Variants in AANAT observed in about 807,000 individuals in gnomAD.
AANAT encodes the protein serotonin N-acetyltransferase.
AANAT carries 11 observed loss-of-function variants against 15.6 expected under a neutral mutation model. The ratio of observed to expected loss-of-function variants is 0.71; its 90% CI spans 0.44 to 1.17. The LOEUF (loss-of-function observed/expected upper bound fraction) is 1.17. Among genes scored for constraint, AANAT ranks in the 50% most tolerant of loss-of-function variants. The probability of loss-of-function intolerance (pLI) is 0.00; values close to 1 mark genes in which losing one functional copy is unlikely to be tolerated. For synonymous variants in AANAT, 139 were observed against 131.5 expected, an observed-to-expected ratio of 1.06 and a Z score of -0.39; for missense variants, 286 against 296.3, an observed-to-expected ratio of 0.97 and a Z score of 0.26.
intron 1 of AANAT, among the ~76,000 whole-genome samples, chr17:76,455,425 TG>T: frequency 6.6e-6 from 1 of 152,330 alleles, no homozygotes; most frequent in South Asian, 2.1e-4. Context: ...CACTCCAGCT[TG>T]GGTGACAGAG....
Position 76,469,917 on chromosome 17 carries a change from C to T in AANAT, c.571C>T (p.Leu191Phe). 6.4e-7 allele frequency: 1 copy of T among 1,561,120 alleles called. No homozygotes were observed. The highest frequency in any genetic ancestry group is 8.7e-7 in the Non-Finnish European group (1 of 1,153,864). ...CGTGGGCTCCCTCACCTTCATGGAG[C>T]TCCACTGCTCCCTGCGGGGCCACCC... ...ITVGSLTFME[L>F]HCSLRGHPFL... The change falls in exon 4 of 4, where the codon CTC becomes TTC. Residue 191 changes from leucine (L) to phenylalanine (F), a missense_variant. By Grantham distance (22) the Leu-to-Phe change is conservative. Coordinates refer to ENST00000392492, the MANE Select transcript of AANAT (RefSeq NM_001088.3). This position sits in a 1 kb window ranked among gnomAD's most constrained non-coding sequence, Gnocchi z 5.2.
At chr17:76,466,494 G>A (rs371655993), upstream of AANAT, among the ~76,000 whole-genome samples, 2 of 151,642 alleles carry the variant, frequency 1.3e-5, no homozygotes, top group African/African-American at 4.8e-5. Flanking sequence ...CTTCCTCTGC[G>A]GGGGGGTCGA....
chr17:76,466,618 C>T (rs2073440485), upstream of AANAT, among the ~76,000 whole-genome samples: 1 of 152,186 alleles, frequency 6.6e-6, no homozygotes, highest in Non-Finnish European at 1.5e-5. Context: ...CAGTGCATGT[C>T]AGGAGGCTGA....
upstream of AANAT, among the ~76,000 whole-genome samples, chr17:76,465,520 G>A (rs1180067355): frequency 6.6e-6 from 1 of 151,740 alleles, no homozygotes; most frequent in Non-Finnish European, 1.5e-5. Context: ...ATTTTTTGTA[G>A]AGACAGGGGT....
At chr17:76,463,132 G>A (rs2073405403), upstream of AANAT, among the ~76,000 whole-genome samples, 1 of 152,188 alleles carries the variant, frequency 6.6e-6, no homozygotes, top group African/African-American at 2.4e-5. Flanking sequence ...AGCTGCAGCA[G>A]GCTCGGTGCC....
At chr17:76,463,520 C>A (rs34546420), upstream of AANAT, among the ~76,000 whole-genome samples, 15,191 of 151,954 alleles carry the variant, frequency 0.1, 876 homozygotes, top group Non-Finnish European at 0.13. Flanking sequence ...GTTAGCCAGA[C>A]TGCTATTGAA....
At chr17:76,466,238 G>A, upstream of AANAT, 1 of 1,533,094 alleles carries the variant, frequency 6.5e-7, no homozygotes, top group South Asian at 1.2e-5. Flanking sequence ...TGAAGGTGGG[G>A]ATGCCCAGCT....
At position 76,469,291 on chromosome 17, in the gene AANAT, C is replaced by G. The variant is rs761343877; in HGVS notation, c.282C>G (p.Ile94Met). ...WFEEGCLVAF[I>M]IGSLWDKERL... ...AGGAGGGCTGCCTTGTGGCCTTCAT[C>G]ATCGGCTCGCTCTGGGACAAGGAGA... The change falls in exon 3 of 4, where the codon ATC becomes ATG. Residue 94 changes from isoleucine to methionine, a missense_variant. Coordinates refer to ENST00000392492, the MANE Select transcript of AANAT (RefSeq NM_001088.3). This position sits in a 1 kb window ranked among gnomAD's most constrained non-coding sequence, Gnocchi z 5.2. 6.2e-7 allele frequency: 1 copy of G among 1,614,136 alleles called. No individual in the cohort carries two copies. Among genetic ancestry groups the G allele is most frequent in the South Asian group, 1.1e-5 (1 of 91,092 alleles).
At position 76,469,343 on chromosome 17, in the gene AANAT, C is replaced by T. The variant is rs199774032; in HGVS notation, c.318+16C>T. On this transcript the variant is annotated intron_variant, in intron 3 of 3. Coordinates refer to ENST00000392492, the MANE Select transcript of AANAT (RefSeq NM_001088.3). The surrounding 1 kb of genome is among the most constrained non-coding windows in gnomAD (Gnocchi z 5.2). ...ACTCATGCAGGTGAGGACAGGGCTG[C>T]GACGCCCAGCTCCAGGGAGGCCTCT... is the stretch of plus-strand genomic sequence containing the variant. 43 of 1,613,144 alleles carry T rather than the reference C, an allele frequency of 2.7e-5. No homozygotes were observed. Among genetic ancestry groups the T allele is most frequent in the South Asian group, 7.7e-5 (7 of 91,062 alleles).
chr17:76,464,068 C>T (rs893782627), upstream of AANAT, among the ~76,000 whole-genome samples: 6 of 152,042 alleles, frequency 3.9e-5, no homozygotes, highest in African/African-American at 7.2e-5. Flanking sequence ...TGCCTGGGTG[C>T]GGTGGCTCAC....
chr17:76,459,498 A>C (rs916105243), intron 2 of AANAT: 1 of 152,258 alleles, frequency 6.6e-6, no homozygotes, highest in Non-Finnish European at 1.5e-5. Context: ...CTTAAGCTCT[A>C]CATGCAATCA....
intron 1 of AANAT, among the ~76,000 whole-genome samples, chr17:76,456,841 T>C (rs1050471303): frequency 6.6e-5 from 10 of 152,194 alleles, no homozygotes; most frequent in African/African-American, 2.4e-4. Context: ...GTTTTTAACC[T>C]CATTTTACCA....
intron 1 of AANAT, among the ~76,000 whole-genome samples, chr17:76,456,806 G>A (rs2073347308): frequency 6.6e-6 from 1 of 152,182 alleles, no homozygotes; most frequent in Non-Finnish European, 1.5e-5. Context: ...TATCTTGTCT[G>A]TTATCACAAT....
chr17:76,465,763 C>T, upstream of AANAT: 1 of 248,918 alleles, frequency 4.0e-6, no homozygotes, highest in Non-Finnish European at 8.0e-6. Context: ...AGCGATCACC[C>T]TGCCCTCCCC....
At chr17:76,466,226 G>A, upstream of AANAT, 1 of 1,534,532 alleles carries the variant, frequency 6.5e-7, no homozygotes, top group Non-Finnish European at 8.7e-7. Context: ...GACCCTGGAG[G>A]TTGAAGGTGG....
At position 76,469,254 on chromosome 17, in the gene AANAT, TG is replaced by T; in HGVS notation, c.248del (p.Gly83AlafsTer27). On this transcript the variant is annotated frameshift_variant, in exon 3 of 4. Coordinates refer to ENST00000392492, the MANE Select transcript of AANAT (RefSeq NM_001088.3). LOFTEE classifies it high-confidence loss of function. This position sits in a 1 kb window ranked among gnomAD's most constrained non-coding sequence, Gnocchi z 5.2. ...CTGACCCTATGTCCAGAGCTGTCCCTGGGCTGGTTCGAGGAGGGCTGCCTTG... is the reference window on the plus strand; with the variant it reads ...CTGACCCTATGTCCAGAGCTGTCCCTGGCTGGTTCGAGGAGGGCTGCCTTG... Reference protein sequence around the residue: ...HFLTLCPELSLGWFEEGCLVA... With the variant: ...HFLTLCPELSXGWFEEGCLVA... The T allele has an allele frequency of 6.2e-7, 1 of 1,614,180 alleles. No homozygotes were observed.
chr17:76,465,927 A>AC (rs934962629), upstream of AANAT: 1 of 494,878 alleles, frequency 2.0e-6, no homozygotes, highest in African/African-American at 2.0e-5. Context: ...GCGAGTCACT[A>AC]CAGCCTCGAC....
Position 76,468,651 on chromosome 17 carries a change from TC to T in AANAT, c.-75-18del. On this transcript the variant is annotated intron_variant, in intron 1 of 3. Coordinates refer to ENST00000392492, the MANE Select transcript of AANAT (RefSeq NM_001088.3). ...CCTGGAGATGAGGATGAGACCCCTG[TC>T]CCTTGCTGTTCTCCAACAGGTGCTG... 6.5e-7 allele frequency: 1 copy of T among 1,530,924 alleles called. No individual in the cohort carries two copies. Among genetic ancestry groups the T allele is most frequent in the Non-Finnish European group, 8.8e-7 (1 of 1,141,624 alleles). The allele number at this position is 1,530,924 out of a possible 1,614,324, so 94.8% of individuals were successfully genotyped here. A position where few individuals can be genotyped will look rare whatever the true frequency, so the allele number is the denominator to read the frequency against.
At chr17:76,464,561 A>C (rs111414682), upstream of AANAT, among the ~76,000 whole-genome samples, 76 of 152,212 alleles carry the variant, frequency 5.0e-4, no homozygotes, top group Non-Finnish European at 8.4e-4. Context: ...GTGGCATGGT[A>C]CACACTGGGC....
Sources: allele counts gnomAD v4.1 joint callset (sites outside exome capture counted in the v4.1 genomes callset), GRCh38; gene constraint gnomAD v4.1.1; non-coding constraint Gnocchi (gnomAD v3.1); transcripts MANE v1.5; gene names NCBI Gene and HGNC (gene_info 2026-07-23, HGNC 2026-07-21).